Variants in MAPKAPK2 observed in about 807,000 individuals in gnomAD.
The protein encoded by MAPKAPK2 is MAP kinase-activated protein kinase 2.
A neutral mutation model predicts 48.8 loss-of-function variants in MAPKAPK2; 9 were observed. The observed-to-expected ratio is 0.18, with a 90% CI of 0.11 to 0.32. The LOEUF is 0.32. MAPKAPK2 is among the 10% of genes least tolerant of loss of function. MAPKAPK2 has a pLI of 1.00. For synonymous variants in MAPKAPK2, 202 were observed against 190.6 expected (o/e 1.06, Z -0.49); for missense variants, 331 against 498.3 (o/e 0.66, Z 3.20).
At chr1:206,709,558 C>T (rs547142903) in intron 1 of MAPKAPK2, among the ~76,000 whole-genome samples, 5 of 152,238 alleles carry the variant, frequency 3.3e-5, no homozygotes, top group Admixed American at 1.3e-4. Flanking sequence ...TGTAAAAATA[C>T]CACAAATCTA....
At chr1:206,729,269 TG>T in intron 3 of MAPKAPK2, 126 bp from the exon 4 acceptor site, 1 of 1,084,326 alleles carries the variant, frequency 9.2e-7, no homozygotes, top group Non-Finnish European at 1.4e-6. Context: ...GCTTTGTTTC[TG>T]GGGTGGGTGG....
At chr1:206,722,253 G>A (rs1040525590) in intron 1 of MAPKAPK2, among the ~76,000 whole-genome samples, 14 of 152,032 alleles carry the variant, frequency 9.2e-5, no homozygotes, top group Admixed American at 9.2e-4. Context: ...CCAGCTACTC[G>A]GGAAGCTGAG....
chr1:206,728,591 G>T lies in MAPKAPK2; in HGVS notation c.280-119G>T. 6 of 1,124,350 alleles carry T rather than the reference G, an allele frequency of 5.3e-6. No homozygotes were observed. The Admixed American group carries it at 1.0e-4, about 19-fold the overall frequency. 69.6% of individuals were successfully genotyped at this position (1,124,350 alleles called of 1,614,324 possible). A position where few individuals can be genotyped will look rare whatever the true frequency, so the allele number is the denominator to read the frequency against. ...AATGTGCCAAGGGGGCTGGTGGGGG[G>T]GGCCAGCAGGAGTGGGGGGTTTGTG... On this transcript the variant is annotated intron_variant, in intron 1 of 9. Coordinates refer to ENST00000367103, the MANE Select transcript of MAPKAPK2 (RefSeq NM_032960.4).
At chr1:206,723,337 T>C (rs1673600645) in intron 1 of MAPKAPK2, among the ~76,000 whole-genome samples, 2 of 152,160 alleles carry the variant, frequency 1.3e-5, no homozygotes, top group African/African-American at 4.8e-5. Flanking sequence ...CAAACACGGA[T>C]GCAGTACTTA....
At chr1:206,703,434 C>T (rs59179713) in intron 1 of MAPKAPK2, among the ~76,000 whole-genome samples, 5,929 of 151,908 alleles carry the variant, frequency 0.039, 261 homozygotes, top group African/African-American at 0.1. Flanking sequence ...GGAAAAGGGG[C>T]CTTCATATTT....
intron 1 of MAPKAPK2, among the ~76,000 whole-genome samples, chr1:206,720,103 C>T (rs1252084144): frequency 1.3e-5 from 2 of 152,212 alleles, no homozygotes; most frequent in Non-Finnish European, 2.9e-5. Flanking sequence ...CCCTCTCTGG[C>T]TCCAGATCTT....
chr1:206,716,604 G>A (rs1553430431), intron 1 of MAPKAPK2, among the ~76,000 whole-genome samples: 1 of 152,104 alleles, frequency 6.6e-6, no homozygotes, highest in East Asian at 1.9e-4. Context: ...GTTGCTGTGA[G>A]TCTCATTCTG....
chr1:206,694,464 A>G (rs560732909), intron 1 of MAPKAPK2, among the ~76,000 whole-genome samples: 22 of 151,834 alleles, frequency 1.4e-4, no homozygotes, highest in African/African-American at 5.3e-4. Context: ...TTTATTTTTA[A>G]CTCTGACAGA....
chr1:206,688,056 C>G (rs1672339578), intron 1 of MAPKAPK2, among the ~76,000 whole-genome samples: 4 of 152,218 alleles, frequency 2.6e-5, no homozygotes, highest in Non-Finnish European at 5.9e-5. Flanking sequence ...CCAGCTCACC[C>G]TGCTGCTTCT....
intron 1 of MAPKAPK2, among the ~76,000 whole-genome samples, chr1:206,701,830 CTAAAAAAA>C (rs1352385584): frequency 2.5e-5 from 2 of 80,212 alleles, no homozygotes; most frequent in East Asian, 4.7e-4. Flanking sequence ...GACCCTGTCT[CTAAAAAAA>C]AAAAAAAAAA....
At chr1:206,719,766 C>G (rs1353927715) in intron 1 of MAPKAPK2, among the ~76,000 whole-genome samples, 2 of 152,218 alleles carry the variant, frequency 1.3e-5, no homozygotes, top group Non-Finnish European at 2.9e-5. Flanking sequence ...CTTGCTCCAG[C>G]CTATAAGCAG....
At chr1:206,728,395 AG>A (rs2102413664) in intron 1 of MAPKAPK2, among the ~76,000 whole-genome samples, 1 of 152,104 alleles carries the variant, frequency 6.6e-6, no homozygotes, top group East Asian at 1.9e-4. Flanking sequence ...CCTGCTTCCC[AG>A]TACCTGAGTG....
chr1:206,709,950 C>G (rs1558580078), intron 1 of MAPKAPK2, among the ~76,000 whole-genome samples: 1 of 152,228 alleles, frequency 6.6e-6, no homozygotes, highest in African/African-American at 2.4e-5. Flanking sequence ...CAAATTAACA[C>G]CAGGTTGAGA....
At chr1:206,730,462 C>T (rs1673866167) in intron 5 of MAPKAPK2, among the ~76,000 whole-genome samples, 1 of 152,238 alleles carries the variant, frequency 6.6e-6, no homozygotes, top group Non-Finnish European at 1.5e-5. Context: ...AAGTCTCATG[C>T]AGTTCAGGAT....
chr1:206,695,048 C>G (rs1016944027), intron 1 of MAPKAPK2, among the ~76,000 whole-genome samples: 14 of 152,232 alleles, frequency 9.2e-5, no homozygotes, highest in Non-Finnish European at 1.8e-4. Flanking sequence ...TTCTCTTCCC[C>G]TGATGTGCTT....
intron 1 of MAPKAPK2, among the ~76,000 whole-genome samples, chr1:206,714,764 CA>C (rs373824626): frequency 0.22 from 25,205 of 115,978 alleles, 2,201 homozygotes; most frequent in Middle Eastern, 0.32. Flanking sequence ...AACTCGGTCA[CA>C]AAAAAAAAAA....
In MAPKAPK2 at chr1:206,715,547, C is replaced by A. The variant is rs1418413553; in HGVS notation, c.280-13163C>A. Among the ~76,000 whole-genome samples the A allele has an allele frequency of 1.4e-4, 21 of 151,794 alleles. 1 individual carries two copies. In the South Asian group the frequency reaches 4.2e-3, roughly 30 times the overall value. On this transcript the variant is annotated intron_variant, in intron 1 of 9. Transcript: ENST00000367103. ...GACTTGGACCTTGTCTTTCAAAATG[C>A]ATTCCCTTTTGGGATCTCTGCCCAT...
At chr1:206,729,125 C>T (rs112707769) in intron 3 of MAPKAPK2, 26 bp downstream of exon 3, 37 of 1,611,638 alleles carry the variant, frequency 2.3e-5, no homozygotes, top group African/African-American at 1.5e-4. Context: ...TGTGGGAGCA[C>T]GTGCAGGCAG....
Position 206,720,089 on chromosome 1 carries a change from G to A in MAPKAPK2, c.280-8621G>A, listed in dbSNP as rs570908178. On this transcript the variant is annotated intron_variant, in intron 1 of 9. Transcript: ENST00000367103. ...ATCAAGTGCTCATGTGTCTCCTCCT[G>A]TGTCCCTCTCTGGCTCCAGATCTTC... Among the ~76,000 whole-genome samples the A allele has an allele frequency of 2.6e-5, 4 of 152,328 alleles. No homozygotes were observed. The South Asian group carries it at 8.3e-4, about 32-fold the overall frequency.
Sources: allele counts gnomAD v4.1 joint callset (sites outside exome capture counted in the v4.1 genomes callset), GRCh38; gene constraint gnomAD v4.1.1; transcripts MANE v1.5; gene names NCBI Gene and HGNC (gene_info 2026-07-23, HGNC 2026-07-21).